Variants in GADL1 observed in about 807,000 individuals in gnomAD.
GADL1 encodes the protein GAD like acidic amino acid decarboxylase 1, also known as acidic amino acid decarboxylase GADL1.
In GADL1, 71 loss-of-function variants were observed where a neutral mutation model predicts 69.5. The ratio of observed to expected loss-of-function variants is 1.02; its 90% CI spans 0.84 to 1.25. The LOEUF (loss-of-function observed/expected upper bound fraction) is 1.25, where lower values mean the gene tolerates loss of function less well. Among genes scored for constraint, GADL1 ranks in the 50% most tolerant of loss-of-function variants. The pLI is 0.00. For missense variants in GADL1, 737 were observed against 631.8 expected (o/e 1.17, Z -1.79); for synonymous variants, 254 against 214.4 (o/e 1.18, Z -1.62).
chr3:30,875,817 G>T (rs138110079), intron 1 of GADL1, among the ~76,000 whole-genome samples: 1 of 151,804 alleles, frequency 6.6e-6, no homozygotes, highest in Non-Finnish European at 1.5e-5. Flanking sequence ...CCAGCATATT[G>T]CAGTTTATCC....
chr3:30,852,382 G>A (rs1259398452), intron 4 of GADL1, among the ~76,000 whole-genome samples: 1 of 152,026 alleles, frequency 6.6e-6, no homozygotes, highest in Non-Finnish European at 1.5e-5. Context: ...CATGGTGGTA[G>A]GGGCCTGTAA....
At chr3:30,790,205 A>T (rs1696886309) in intron 12 of GADL1, among the ~76,000 whole-genome samples, 1 of 152,140 alleles carries the variant, frequency 6.6e-6, no homozygotes, top group Non-Finnish European at 1.5e-5. Flanking sequence ...TGTCTCAGGA[A>T]ATTGGAAAGC....
At chr3:30,780,646 T>C (rs1696646065) in intron 13 of GADL1, among the ~76,000 whole-genome samples, 1 of 152,210 alleles carries the variant, frequency 6.6e-6, no homozygotes, top group Admixed American at 6.5e-5. Flanking sequence ...TTTTATCTAT[T>C]ATGGGTTCTA....
chr3:30,732,113 G>A (rs183653466), intron 14 of GADL1, among the ~76,000 whole-genome samples: 89 of 152,250 alleles, frequency 5.8e-4, no homozygotes, highest in African/African-American at 1.9e-3. Flanking sequence ...TATTTATGAA[G>A]CTCCAGGCAT....
intron 6 of GADL1, among the ~76,000 whole-genome samples, chr3:30,845,869 T>C (rs1208836889): frequency 6.6e-6 from 1 of 152,120 alleles, no homozygotes; most frequent in Non-Finnish European, 1.5e-5. Context: ...TGATAAATGC[T>C]AGCCTACCCC....
At chr3:30,818,653 A>C (rs1460076643) in intron 11 of GADL1, among the ~76,000 whole-genome samples, 1 of 152,224 alleles carries the variant, frequency 6.6e-6, no homozygotes, top group East Asian at 1.9e-4. Context: ...TAATATAAGT[A>C]TGTCCTATGT....
intron 14 of GADL1, among the ~76,000 whole-genome samples, chr3:30,732,268 C>T (rs1695470053): frequency 2.0e-5 from 3 of 152,100 alleles, no homozygotes; most frequent in Non-Finnish European, 2.9e-5. Flanking sequence ...AAATGGGGCG[C>T]GCATAGAGGA....
chr3:30,860,328 A>G (rs1698302354), intron 2 of GADL1, among the ~76,000 whole-genome samples: 1 of 151,880 alleles, frequency 6.6e-6, no homozygotes, highest in African/African-American at 2.4e-5. Flanking sequence ...GTTTTTCTTT[A>G]TATTCTCTAG....
chr3:30,853,561 A>G (rs1214336093), intron 4 of GADL1, among the ~76,000 whole-genome samples: 1 of 152,148 alleles, frequency 6.6e-6, no homozygotes, highest in East Asian at 1.9e-4. Flanking sequence ...TCAAATGCCC[A>G]CAACTGAAAA....
At chr3:30,762,954 T>C (rs1252109756) in intron 14 of GADL1, among the ~76,000 whole-genome samples, 3 of 152,226 alleles carry the variant, frequency 2.0e-5, no homozygotes, top group African/African-American at 4.8e-5. Flanking sequence ...ATTGTGTATA[T>C]GTACCATACT....
intron 14 of GADL1, among the ~76,000 whole-genome samples, chr3:30,749,880 T>C (rs1159095393): frequency 6.6e-6 from 1 of 152,166 alleles, no homozygotes; most frequent in East Asian, 1.9e-4. Flanking sequence ...GGGCTATCTG[T>C]CATAACTGAA....
chr3:30,778,101 CTTAT>C (rs1696578337), intron 14 of GADL1, 74 bp downstream of exon 14: 2 of 843,554 alleles, frequency 2.4e-6, no homozygotes, highest in East Asian at 2.4e-5. Context: ...GCTAGGCCCT[CTTAT>C]TTATAGGATC....
intron 1 of GADL1, among the ~76,000 whole-genome samples, chr3:30,868,475 C>T (rs73823941): frequency 0.047 from 7,152 of 150,734 alleles, 531 homozygotes; most frequent in African/African-American, 0.14. Flanking sequence ...CAAATTCTAA[C>T]TCTGCTTCTG....
intron 9 of GADL1, among the ~76,000 whole-genome samples, chr3:30,835,618 C>T (rs1697861265): frequency 1.3e-5 from 2 of 151,996 alleles, no homozygotes; most frequent in Admixed American, 6.6e-5. Flanking sequence ...GAACTCATCT[C>T]AGAGCTGGAC....
At chr3:30,805,179 A>G (rs1697228902) in intron 11 of GADL1, among the ~76,000 whole-genome samples, 1 of 152,326 alleles carries the variant, frequency 6.6e-6, no homozygotes, top group East Asian at 1.9e-4. Context: ...AGTGAGATAA[A>G]TTCTATTTTT....
Position 30,728,290 on chromosome 3 carries a change from G to A in GADL1, c.1518C>T (p.Asp506=), listed in dbSNP as rs748704610. Residue 506 remains aspartate, a synonymous_variant, in exon 15 of 15, where the codon GAC becomes GAT. Coordinates refer to ENST00000282538, the MANE Select transcript of GADL1 (RefSeq NM_207359.3). ...CTATCTCATCCAGGAGGAAGTCCAT[G>A]TCCTCCCGGCTCACTTGAGGGCTGA... ...VVISPQVSRE[D]MDFLLDEIDL... is the part of the protein sequence containing the mutation. The A allele has an allele frequency of 5.6e-6, 9 of 1,613,698 alleles. No individual in the cohort carries two copies. The highest frequency in any genetic ancestry group is 3.3e-4 in the Middle Eastern group (2 of 6,080).
intron 11 of GADL1, among the ~76,000 whole-genome samples, chr3:30,822,185 T>G (rs1238824787): frequency 6.6e-6 from 1 of 152,074 alleles, no homozygotes; most frequent in Non-Finnish European, 1.5e-5. Context: ...GGATGATATT[T>G]CCAAATACCA....
intron 14 of GADL1, among the ~76,000 whole-genome samples, chr3:30,758,315 T>C (rs1217324094): frequency 6.6e-6 from 1 of 152,194 alleles, no homozygotes; most frequent in Non-Finnish European, 1.5e-5. Context: ...AGCCCCTCCT[T>C]AGCTGATGAG....
At chr3:30,852,164 C>T (rs898533864) in intron 4 of GADL1, among the ~76,000 whole-genome samples, 7 of 152,084 alleles carry the variant, frequency 4.6e-5, no homozygotes, top group African/African-American at 7.2e-5. Context: ...TATGTATCAC[C>T]TACTATTTAT....
Sources: allele counts gnomAD v4.1 joint callset (sites outside exome capture counted in the v4.1 genomes callset), GRCh38; gene constraint gnomAD v4.1.1; transcripts MANE v1.5; gene names NCBI Gene and HGNC (gene_info 2026-07-23, HGNC 2026-07-21).